COBLL1: variants seen among roughly 807,000 people sequenced by gnomAD.
COBLL1 encodes the protein cordon-bleu protein-like 1.
Under a neutral mutation model 94.8 loss-of-function variants are expected in COBLL1, and 50 were observed. The observed-to-expected ratio is 0.53, with a 90% CI of 0.42 to 0.67. The LOEUF (loss-of-function observed/expected upper bound fraction) is 0.67, where lower values mean the gene tolerates loss of function less well. Among genes scored for constraint, COBLL1 ranks in the 30% least tolerant of loss-of-function variants. The pLI is 0.00. For synonymous variants in COBLL1, 448 were observed against 473.8 expected (o/e 0.95, Z 0.71); for missense variants, 1,362 against 1,348.7 (o/e 1.01, Z -0.15).
chr2:164,831,058 C>T lies in COBLL1; in HGVS notation c.41+10098G>A, dbSNP rs1392681997. ...TTATTTTTGGCAGGGCACAGTGGCT[C>T]ATGCCTATAATCCCAGCATTTTGGG... On this transcript the variant is annotated intron_variant, in intron 2 of 13. Coordinates refer to ENST00000652658, the MANE Select transcript of COBLL1 (RefSeq NM_001365672.2). Among the ~76,000 whole-genome samples, 24 of 152,214 alleles carry T rather than the reference C, an allele frequency of 1.6e-4. 1 individual carries two copies. The highest frequency in any genetic ancestry group is 1.6e-3 in the Admixed American group (24 of 15,280).
intron 8 of COBLL1, among the ~76,000 whole-genome samples, 181 bp downstream of exon 8, chr2:164,704,771 T>C (rs1182201746): frequency 6.6e-6 from 1 of 152,220 alleles, no homozygotes; most frequent in Non-Finnish European, 1.5e-5. Context: ...CTGTATAATT[T>C]TGACACTTTA....
chr2:164,685,682 G>A lies in COBLL1; in HGVS notation c.*264C>T, dbSNP rs1683240102. Reference sequence around the variant, plus strand: ...AATACAAAGGAATTATTTTTCATTTGTAAAAAATGAAAATCATTTACACCT... The same window carrying A: ...AATACAAAGGAATTATTTTTCATTTATAAAAAATGAAAATCATTTACACCT... On this transcript the variant is annotated 3_prime_UTR_variant, in exon 14 of 14. Coordinates refer to ENST00000652658, the MANE Select transcript of COBLL1 (RefSeq NM_001365672.2). 3.5e-6 allele frequency: 1 copy of A among 284,324 alleles called. No homozygotes were observed. The highest frequency in any genetic ancestry group is 6.4e-6 in the Non-Finnish European group (1 of 156,384). The allele number at this position is 284,324 out of a possible 1,614,324, so 17.6% of individuals were successfully genotyped here.
At chr2:164,815,147 C>A (rs1005641687) in intron 2 of COBLL1, among the ~76,000 whole-genome samples, 1 of 152,080 alleles carries the variant, frequency 6.6e-6, no homozygotes, top group African/African-American at 2.4e-5. Flanking sequence ...TGCCTGTAAT[C>A]CCAGCATTCT....
intron 3 of COBLL1, among the ~76,000 whole-genome samples, chr2:164,734,674 C>T (rs1240660403): frequency 6.6e-6 from 1 of 152,044 alleles, no homozygotes; most frequent in African/African-American, 2.4e-5. Context: ...AGGATTGAAG[C>T]TAATGCAGAA....
chr2:164,729,082 C>A (rs1685855599), intron 4 of COBLL1, among the ~76,000 whole-genome samples: 1 of 151,544 alleles, frequency 6.6e-6, no homozygotes, highest in Admixed American at 6.6e-5. Context: ...AAACAAATAC[C>A]TAGACAGAAG....
At chr2:164,714,374 A>T (rs1267038152) in intron 7 of COBLL1, among the ~76,000 whole-genome samples, 7 of 150,900 alleles carry the variant, frequency 4.6e-5, no homozygotes, top group Middle Eastern at 3.4e-3. Flanking sequence ...TTGGATGAAA[A>T]AAAAAAAAAA....
At chr2:164,745,797 G>A (rs984441606) in intron 2 of COBLL1, among the ~76,000 whole-genome samples, 6 of 152,102 alleles carry the variant, frequency 3.9e-5, no homozygotes, top group African/African-American at 1.2e-4. Context: ...AAAGTTAATA[G>A]AACCATAAAA....
At chr2:164,817,024 G>A (rs1210826445) in intron 2 of COBLL1, among the ~76,000 whole-genome samples, 1 of 152,166 alleles carries the variant, frequency 6.6e-6, no homozygotes, top group Admixed American at 6.6e-5. Context: ...TCAGAACCCA[G>A]CTATATGAAC....
intron 2 of COBLL1, chr2:164,773,714 C>A (rs1688323744): frequency 1.6e-6 from 2 of 1,276,526 alleles, no homozygotes; most frequent in South Asian, 2.5e-5. Flanking sequence ...TACAACTGTT[C>A]CAGAAAGTCT....
At chr2:164,807,745 G>A (rs1574626869) in intron 2 of COBLL1, among the ~76,000 whole-genome samples, 1 of 151,894 alleles carries the variant, frequency 6.6e-6, no homozygotes, top group Non-Finnish European at 1.5e-5. Flanking sequence ...TATCCTCTAA[G>A]CATTTAGGAT....
At chr2:164,740,662 G>A (rs1031997066) in intron 3 of COBLL1, among the ~76,000 whole-genome samples, 1 of 152,176 alleles carries the variant, frequency 6.6e-6, no homozygotes, top group Non-Finnish European at 1.5e-5. Flanking sequence ...GCACTATAAA[G>A]AAAAGTAATG....
rs1375936531 is a variant in COBLL1, at chr2:164,684,273, A to G, written c.*1673T>C. ...GAGTTGTAGGAACTTTCATATCTTC[A>G]TAAATTAAGCCTTTCTTATATATTA... On this transcript the variant is annotated 3_prime_UTR_variant, in exon 14 of 14. Coordinates refer to ENST00000652658, the MANE Select transcript of COBLL1 (RefSeq NM_001365672.2). 1 of 152,104 alleles carries G rather than the reference A, an allele frequency of 6.6e-6. No individual in the cohort carries two copies. Among genetic ancestry groups the G allele is most frequent in the Non-Finnish European group, 1.5e-5 (1 of 68,018 alleles). The allele number at this position is 152,104 out of a possible 1,614,324, so 9.4% of individuals were successfully genotyped here.
In COBLL1 at chr2:164,685,904, T is replaced by C; in HGVS notation, c.*42A>G. 8.6e-7 allele frequency: 1 copy of C among 1,164,128 alleles called. No homozygotes were observed. The highest frequency in any genetic ancestry group is 1.3e-6 in the Non-Finnish European group (1 of 784,652). 72.1% of individuals were successfully genotyped at this position (1,164,128 alleles called of 1,614,324 possible). A position where few individuals can be genotyped will look rare whatever the true frequency, so the allele number is the denominator to read the frequency against. On this transcript the variant is annotated 3_prime_UTR_variant, in exon 14 of 14. Transcript: ENST00000652658. Reference sequence around the variant, plus strand: ...AAATGTTCCATTAGTATGAAGTTGGTCTGAAGTGGAAGTGAAGTGCAGTGG... The same window carrying C: ...AAATGTTCCATTAGTATGAAGTTGGCCTGAAGTGGAAGTGAAGTGCAGTGG...
chr2:164,785,097 T>A (rs1574583523), intron 2 of COBLL1, among the ~76,000 whole-genome samples: 1 of 152,194 alleles, frequency 6.6e-6, no homozygotes, highest in East Asian at 1.9e-4. Context: ...GTCCAGGCCT[T>A]GATCTTGAAC....
chr2:164,757,631 G>A (rs1687477581), intron 2 of COBLL1, among the ~76,000 whole-genome samples: 1 of 151,970 alleles, frequency 6.6e-6, no homozygotes, highest in Non-Finnish European at 1.5e-5. Context: ...TATGGGATGG[G>A]AAAATATAAC....
At chr2:164,801,345 A>T (rs1683778504) in intron 2 of COBLL1, among the ~76,000 whole-genome samples, 2 of 144,126 alleles carry the variant, frequency 1.4e-5, no homozygotes. Context: ...AGGCTGAGGC[A>T]GGAGAATGGC....
intron 2 of COBLL1, among the ~76,000 whole-genome samples, chr2:164,831,190 C>T (rs1372194350): frequency 2.0e-5 from 3 of 151,968 alleles, no homozygotes; most frequent in Non-Finnish European, 4.4e-5. Flanking sequence ...GGCATGGTGG[C>T]TCATGCCTGT....
chr2:164,739,135 T>C (rs3820987), intron 3 of COBLL1, among the ~76,000 whole-genome samples: 9,519 of 152,116 alleles, frequency 0.063, 377 homozygotes, highest in African/African-American at 0.12. Context: ...AGTAGAGACA[T>C]GGTGACTTTT....
intron 2 of COBLL1, among the ~76,000 whole-genome samples, chr2:164,827,861 A>G (rs1482179541): frequency 6.6e-6 from 1 of 152,202 alleles, no homozygotes; most frequent in Non-Finnish European, 1.5e-5. Flanking sequence ...CCCGTGATGG[A>G]CAAAGTTTTT....
Sources: gnomAD v4.1 joint callset for allele counts (sites outside exome capture counted in the v4.1 genomes callset) on GRCh38, gnomAD v4.1.1 for gene constraint, MANE v1.5 for transcripts, NCBI Gene and HGNC (gene_info 2026-07-23, HGNC 2026-07-21) for gene names.